Variants in NEXMIF observed in about 807,000 individuals in gnomAD.
NEXMIF encodes neurite extension and migration factor.
NEXMIF carries 8 observed loss-of-function variants against 62.1 expected under a neutral mutation model. The observed-to-expected ratio is 0.13, with a 90% CI of 0.08 to 0.23. The LOEUF (loss-of-function observed/expected upper bound fraction) is 0.23. Among genes scored for constraint, NEXMIF ranks in the 10% least tolerant of loss-of-function variants. The pLI is 1.00. For synonymous variants in NEXMIF, 404 were observed against 416.6 expected (o/e 0.97, Z 0.37); for missense variants, 976 against 1,113.3 (o/e 0.88, Z 1.75).
chrX:74,790,439 G>C (rs1236952166), intron 1 of NEXMIF, among the ~76,000 whole-genome samples: 1 of 112,352 alleles, frequency 8.9e-6, no homozygotes, highest in Admixed American at 9.3e-5. Flanking sequence ...TTTTGGCTTA[G>C]GATTGACTTG....
intron 1 of NEXMIF, among the ~76,000 whole-genome samples, chrX:74,899,806 C>T (rs2080743535): frequency 1.8e-5 from 2 of 111,225 alleles, no homozygotes. Context: ...AAAGCACAGG[C>T]AGCCAAAGAA....
chrX:74,824,963 T>TC (rs1488433448), intron 1 of NEXMIF, among the ~76,000 whole-genome samples: 9 of 111,416 alleles, frequency 8.1e-5, no homozygotes, highest in Admixed American at 2.8e-4. Flanking sequence ...TTTTAAGGAA[T>TC]CCCTATTCAG....
At chrX:74,822,494 G>T (rs996501167) in intron 1 of NEXMIF, among the ~76,000 whole-genome samples, 2 of 112,002 alleles carry the variant, frequency 1.8e-5, no homozygotes, top group African/African-American at 3.2e-5. Context: ...TCATATATCT[G>T]ATAAGGAACA....
chrX:74,800,071 A>T (rs1462686734), intron 1 of NEXMIF, among the ~76,000 whole-genome samples: 1 of 111,944 alleles, frequency 8.9e-6, no homozygotes, highest in East Asian at 2.8e-4. Context: ...CACCAGACCC[A>T]ACAGCAGCAG....
chrX:74,777,096 CTG>C (rs2080230963), intron 1 of NEXMIF, among the ~76,000 whole-genome samples: 1 of 111,801 alleles, frequency 8.9e-6, no homozygotes, highest in South Asian at 3.7e-4. Flanking sequence ...CAATTACCTG[CTG>C]TGTGCTAGAA....
rs2147439197 is a variant in NEXMIF at position 74,740,760 on chromosome X, C to T, written c.3797G>A (p.Gly1266Asp). Residue 1266 changes from glycine to aspartate, a missense_variant, in exon 3 of 4, where the codon GGC becomes GAC. By Grantham distance (94) the Gly-to-Asp change is moderately conservative. Coordinates refer to ENST00000055682, the MANE Select transcript of NEXMIF (RefSeq NM_001008537.3). ...TGGCATCTTCATAGAGGCCATAGGG[C>T]CACCATGTTGGATACATTCAGCCAA... is the stretch of plus-strand genomic sequence containing the variant. The part of the protein sequence containing the change: ...KTLAECIQHG[G>D]PMASMKMPSQ... 1 of 1,211,916 alleles carries T rather than the reference C, an allele frequency of 8.3e-7. No individual in the cohort carries two copies. Among genetic ancestry groups the T allele is most frequent in the Non-Finnish European group, 1.1e-6 (1 of 895,404 alleles).
At chrX:74,902,065 T>C (rs971987436) in intron 1 of NEXMIF, among the ~76,000 whole-genome samples, 41 of 110,626 alleles carry the variant, frequency 3.7e-4, no homozygotes, top group Non-Finnish European at 6.4e-4. Context: ...ACTTTCTATT[T>C]GGCCAAAATT....
At chrX:74,796,208 A>T (rs375929708) in intron 1 of NEXMIF, among the ~76,000 whole-genome samples, 1 of 33,663 alleles carries the variant, frequency 3.0e-5, no homozygotes, top group Non-Finnish European at 7.6e-5. Flanking sequence ...ATACATATAT[A>T]TTATATATAT....
At position 74,743,705 on chromosome X, in the gene NEXMIF, G is replaced by A. The variant is rs1382108781; in HGVS notation, c.852C>T (p.Asn284=). ...DLCSKNELSV[N]LFSEEDVDNY... is the part of the protein sequence containing the mutation. ...TATCCACATCTTCTTCAGAGAATAG[G>A]TTGACAGACAGCTCATTTTTGGAAC... The change falls in exon 3 of 4, where the codon AAC becomes AAT. Residue 284 remains asparagine (N), a synonymous_variant. Transcript: ENST00000055682. 2 of 1,211,607 alleles carry A rather than the reference G, an allele frequency of 1.7e-6. No individual in the cohort carries two copies. The highest frequency in any genetic ancestry group is 2.2e-6 in the Non-Finnish European group (2 of 895,324).
chrX:74,822,533 C>T, intron 1 of NEXMIF, among the ~76,000 whole-genome samples: 1 of 111,673 alleles, frequency 9.0e-6, no homozygotes, highest in Non-Finnish European at 1.9e-5. Flanking sequence ...AGAATACCTA[C>T]AACTCAACAA....
At chrX:74,900,293 G>A (rs1338671816) in intron 1 of NEXMIF, among the ~76,000 whole-genome samples, 2 of 108,833 alleles carry the variant, frequency 1.8e-5, no homozygotes, top group Non-Finnish European at 3.8e-5. Flanking sequence ...TGAAAATCCC[G>A]TCTCTACTAA....
intron 1 of NEXMIF, among the ~76,000 whole-genome samples, chrX:74,750,553 T>C (rs774184438): frequency 1.2e-4 from 13 of 112,034 alleles, no homozygotes; most frequent in Non-Finnish European, 5.6e-5. Flanking sequence ...GGTACTGCTA[T>C]AGCAAATAGG....
At chrX:74,800,073 C>T (rs912082749) in intron 1 of NEXMIF, among the ~76,000 whole-genome samples, 1 of 111,798 alleles carries the variant, frequency 8.9e-6, no homozygotes, top group African/African-American at 3.3e-5. Context: ...CCAGACCCAA[C>T]AGCAGCAGAA....
At chrX:74,753,830 T>C (rs1300732854) in intron 1 of NEXMIF, among the ~76,000 whole-genome samples, 2 of 111,851 alleles carry the variant, frequency 1.8e-5, no homozygotes, top group Non-Finnish European at 3.8e-5. Context: ...AGTTGGAAGA[T>C]GAAAAAAGCT....
intron 1 of NEXMIF, among the ~76,000 whole-genome samples, chrX:74,853,341 G>C (rs1338920869): frequency 9.2e-6 from 1 of 108,904 alleles, no homozygotes; most frequent in East Asian, 2.9e-4. Context: ...CTTGCAAAAA[G>C]ACTGGCCCTC....
intron 1 of NEXMIF, among the ~76,000 whole-genome samples, chrX:74,874,279 G>C (rs1381958768): frequency 9.4e-6 from 1 of 105,997 alleles, no homozygotes; most frequent in African/African-American, 3.5e-5. Context: ...TTTTTCTCAG[G>C]TTTGTCAAAG....
At chrX:74,764,851 T>TTGATTATAGAGTA (rs1340176136) in intron 1 of NEXMIF, among the ~76,000 whole-genome samples, 7 of 112,075 alleles carry the variant, frequency 6.2e-5, no homozygotes, top group Non-Finnish European at 1.3e-4. Context: ...GATTGTGTGG[T>TTGATTATAGAGTA]TGATTATAGA....
chrX:74,878,863 G>A (rs1004216024), intron 1 of NEXMIF, among the ~76,000 whole-genome samples: 6 of 112,115 alleles, frequency 5.4e-5, no homozygotes, highest in East Asian at 5.7e-4. Context: ...CATGGTGCGC[G>A]CACCCACTGA....
In NEXMIF at chrX:74,771,821, CTG is replaced by C. The variant is rs756161385; in HGVS notation, c.-47-26126_-47-26125del. ...ATACAAATAAAATTTAACTCTCACT[CTG>C]TGTGTGTGTGTGTGTGTATGTGTAA... On this transcript the variant is annotated intron_variant, in intron 1 of 3. Coordinates refer to ENST00000055682, the MANE Select transcript of NEXMIF (RefSeq NM_001008537.3). Among the ~76,000 whole-genome samples the C allele has an allele frequency of 3.6e-3, 394 of 108,499 alleles. 2 individuals carry two copies. Among genetic ancestry groups the C allele is most frequent in the African/African-American group, 0.012 (355 of 30,008 alleles). 94.2% of individuals were successfully genotyped at this position (108,499 alleles called of 115,157 possible).
Sources: gnomAD v4.1 joint callset for allele counts (sites outside exome capture counted in the v4.1 genomes callset) on GRCh38, gnomAD v4.1.1 for gene constraint, MANE v1.5 for transcripts, NCBI Gene and HGNC (gene_info 2026-07-23, HGNC 2026-07-21) for gene names.